Variants in PDE1C observed in about 807,000 individuals in gnomAD.
The protein encoded by PDE1C is dual specificity calcium/calmodulin-dependent 3',5'-cyclic nucleotide phosphodiesterase 1C.
Under a neutral mutation model 93.1 loss-of-function variants are expected in PDE1C, and 62 were observed. The ratio of observed to expected loss-of-function variants is 0.67; its 90% CI spans 0.54 to 0.82. The LOEUF (loss-of-function observed/expected upper bound fraction) is 0.82, where lower values mean the gene tolerates loss of function less well. Ranked by LOEUF, PDE1C falls within the 40% of genes least tolerant of loss-of-function variation. PDE1C has a pLI of 0.00. For synonymous variants in PDE1C, 325 were observed against 310.1 expected (o/e 1.05, Z -0.50); for missense variants, 742 against 884.6 (o/e 0.84, Z 2.04).
intron 2 of PDE1C, among the ~76,000 whole-genome samples, chr7:31,910,216 T>G (rs1317340156): frequency 1.3e-5 from 2 of 152,174 alleles, no homozygotes; most frequent in Non-Finnish European, 2.9e-5. Context: ...CCCCAATTTC[T>G]TCCTTGACTC....
At chr7:31,631,100 C>A in the PDE1C span, among the ~76,000 whole-genome samples, 1 of 152,060 alleles carries the variant, frequency 6.6e-6, no homozygotes. Flanking sequence ...TTAAGGTATA[C>A]CATTGTCAGC....
At chr7:31,872,890 A>G (rs964276278) in intron 6 of PDE1C, among the ~76,000 whole-genome samples, 1 of 150,528 alleles carries the variant, frequency 6.6e-6, no homozygotes, top group Non-Finnish European at 1.5e-5. Flanking sequence ...AAGTGGTGGG[A>G]AAAAAAAAAG....
intron 3 of PDE1C, among the ~76,000 whole-genome samples, chr7:32,079,578 G>A (rs373839630): frequency 2.2e-4 from 34 of 152,296 alleles, no homozygotes; most frequent in African/African-American, 7.5e-4. Context: ...ATGGCAACCC[G>A]GGCTAGAATA....
chr7:31,958,074 T>A (rs901028668), intron 2 of PDE1C, among the ~76,000 whole-genome samples: 36 of 152,226 alleles, frequency 2.4e-4, no homozygotes, highest in African/African-American at 8.4e-4. Flanking sequence ...GGCTTAAAAA[T>A]TATTTTACAG....
chr7:32,100,935 C>A (rs1403228364), intron 3 of PDE1C, among the ~76,000 whole-genome samples: 1 of 152,166 alleles, frequency 6.6e-6, no homozygotes, highest in African/African-American at 2.4e-5. Flanking sequence ...GGCCTAAATA[C>A]AACTACTGGA....
chr7:31,815,320 T>A (rs921228917), intron 15 of PDE1C, among the ~76,000 whole-genome samples: 1 of 152,170 alleles, frequency 6.6e-6, no homozygotes, highest in African/African-American at 2.4e-5. Context: ...GCTTGGCACG[T>A]AGTTGTTAAT....
rs997048017 is a variant in PDE1C, at chr7:32,011,982, C to G, written c.128+39572G>C. Among the ~76,000 whole-genome samples, 6 of 152,280 alleles carry G rather than the reference C, an allele frequency of 3.9e-5. No individual in the cohort carries two copies. In the South Asian group the frequency reaches 1.0e-3, roughly 26 times the overall value. On this transcript the variant is annotated intron_variant, in intron 2 of 17. Coordinates refer to ENST00000396191, the MANE Select transcript of PDE1C (RefSeq NM_001191057.4). Reference sequence around the variant, plus strand: ...TGTGATATATAAGCCATATAATGAACTAGTATTCCACAATATAAGGAATGA... The same window carrying G: ...TGTGATATATAAGCCATATAATGAAGTAGTATTCCACAATATAAGGAATGA...
chr7:32,292,810 C>T (rs534143075), intron 1 of PDE1C, among the ~76,000 whole-genome samples: 22 of 152,340 alleles, frequency 1.4e-4, no homozygotes, highest in African/African-American at 5.1e-4. Context: ...ATTCTCTCCA[C>T]CACTCCCAAC....
the PDE1C span, among the ~76,000 whole-genome samples, chr7:31,665,615 CTA>C: frequency 6.6e-6 from 1 of 152,164 alleles, no homozygotes; most frequent in Admixed American, 6.5e-5. Context: ...GGGAGGAAAA[CTA>C]TGTCCTCTTC....
upstream of PDE1C, among the ~76,000 whole-genome samples, chr7:32,301,729 T>G (rs1393800811): frequency 6.6e-6 from 1 of 152,200 alleles, no homozygotes; most frequent in African/African-American, 2.4e-5. Context: ...TTTTGTTTGC[T>G]CTTTCAGAAT....
chr7:32,176,416 C>G (rs192323969), intron 2 of PDE1C, among the ~76,000 whole-genome samples: 1 of 152,206 alleles, frequency 6.6e-6, no homozygotes, highest in East Asian at 1.9e-4. Flanking sequence ...AAATTACCCA[C>G]AAAGGATGAG....
chr7:32,297,992 TCTCTCC>T (rs1562660092), intron 1 of PDE1C, among the ~76,000 whole-genome samples: 3 of 42,606 alleles, frequency 7.0e-5, no homozygotes, highest in African/African-American at 2.7e-4. Context: ...TCTCTCTCTC[TCTCTCC>T]TCTCTCTCTC....
At chr7:32,207,055 G>A (rs1230490544) in intron 2 of PDE1C, among the ~76,000 whole-genome samples, 1 of 152,164 alleles carries the variant, frequency 6.6e-6, no homozygotes, top group African/African-American at 2.4e-5. Context: ...AAGTCAGGTT[G>A]ATTGGAAGCC....
At chr7:32,166,380 A>G (rs1019171444) in intron 3 of PDE1C, among the ~76,000 whole-genome samples, 4 of 152,166 alleles carry the variant, frequency 2.6e-5, no homozygotes, top group Non-Finnish European at 5.9e-5. Context: ...ACTGAGCACT[A>G]AACTGTGTTG....
At chr7:31,706,585 T>C in the PDE1C span, among the ~76,000 whole-genome samples, 1 of 152,190 alleles carries the variant, frequency 6.6e-6, no homozygotes, top group African/African-American at 2.4e-5. Flanking sequence ...AGTACTGACA[T>C]TGAGAAATGG....
chr7:31,734,291 G>A, the PDE1C span, among the ~76,000 whole-genome samples: 5 of 152,094 alleles, frequency 3.3e-5, no homozygotes, highest in Non-Finnish European at 7.3e-5. Flanking sequence ...AGGTTAAAGC[G>A]GCTCTAGGGC....
chr7:32,154,317 G>A (rs979294455), intron 3 of PDE1C, among the ~76,000 whole-genome samples: 1 of 152,036 alleles, frequency 6.6e-6, no homozygotes, highest in Non-Finnish European at 1.5e-5. Flanking sequence ...AATTAATGGA[G>A]ATTAGGCACT....
chr7:32,241,417 G>T (rs1425532307), intron 1 of PDE1C, among the ~76,000 whole-genome samples: 1 of 152,168 alleles, frequency 6.6e-6, no homozygotes, highest in South Asian at 2.1e-4. Flanking sequence ...ATGCTGCAGG[G>T]TGTCAAATAT....
At chr7:32,296,598 A>G (rs1042129656) in intron 1 of PDE1C, among the ~76,000 whole-genome samples, 2 of 152,186 alleles carry the variant, frequency 1.3e-5, no homozygotes, top group Non-Finnish European at 2.9e-5. Context: ...TGACCACCAG[A>G]CCATACCAAT....
Sources: allele counts gnomAD v4.1 joint callset (sites outside exome capture counted in the v4.1 genomes callset), GRCh38; gene constraint gnomAD v4.1.1; transcripts MANE v1.5; gene names NCBI Gene and HGNC (gene_info 2026-07-23, HGNC 2026-07-21).